The following RYR3 variants were observed in gnomAD, a reference collection of about 807,000 sequenced individuals.
RYR3 encodes ryanodine receptor 3.
In RYR3, 207 loss-of-function variants were observed where a neutral mutation model predicts 584.3. The ratio of observed to expected loss-of-function variants is 0.35; its 90% confidence interval spans 0.32 to 0.40. The LOEUF (loss-of-function observed/expected upper bound fraction) is 0.40. Among genes scored for constraint, RYR3 ranks in the 10% least tolerant of loss-of-function variants. The pLI is 1.00. For missense variants in RYR3, 5,616 were observed against 6,089.2 expected (o/e 0.92, Z 2.59); for synonymous variants, 2,416 against 2,248.5 (o/e 1.07, Z -2.11).
Position 33,355,964 on chromosome 15 carries a change from A to T in RYR3, c.51+44868A>T, listed in dbSNP as rs560627451. On this transcript the variant is annotated intron_variant, in intron 1 of 103. Transcript: ENST00000634891. ...TGCTTCATATAGAACCCTGTAGTAG[A>T]TACTGTGAGAGAAACAGAAGAGTGA... is the stretch of plus-strand genomic sequence containing the variant. Among the ~76,000 whole-genome samples the T allele has an allele frequency of 2.6e-5, 4 of 152,318 alleles. No individual in the cohort carries two copies. The South Asian group carries it at 8.3e-4, about 32-fold the overall frequency.
intron 38 of RYR3, among the ~76,000 whole-genome samples, chr15:33,675,592 G>A (rs887625413): frequency 1.3e-5 from 2 of 152,186 alleles, no homozygotes; most frequent in Non-Finnish European, 2.9e-5. Context: ...CCAGGAGACT[G>A]AGCATGAGAC....
intron 86 of RYR3, among the ~76,000 whole-genome samples, chr15:33,832,519 G>T (rs7177077): frequency 0.32 from 48,256 of 151,328 alleles, 8,691 homozygotes; most frequent in South Asian, 0.54. Context: ...AGCTGGGCGT[G>T]TTGGTGGGTG....
At chr15:33,565,613 T>C (rs1307759674) in intron 11 of RYR3, among the ~76,000 whole-genome samples, 1 of 140,228 alleles carries the variant, frequency 7.1e-6, no homozygotes, top group Non-Finnish European at 1.6e-5. Context: ...TGTTGACATG[T>C]AGACTTCCAG....
chr15:33,432,676 G>A (rs533874461), intron 1 of RYR3, among the ~76,000 whole-genome samples: 1 of 146,984 alleles, frequency 6.8e-6, no homozygotes, highest in South Asian at 2.2e-4. Flanking sequence ...AATTGTGTGT[G>A]TGTGTGTGTG....
At chr15:33,530,342 C>T (rs967277431) in intron 3 of RYR3, among the ~76,000 whole-genome samples, 2 of 152,192 alleles carry the variant, frequency 1.3e-5, no homozygotes, top group African/African-American at 4.8e-5. Context: ...TGGGTTTCTG[C>T]TGATCCTGGG....
intron 1 of RYR3, among the ~76,000 whole-genome samples, chr15:33,466,149 G>A (rs1314055874): frequency 6.6e-6 from 1 of 152,088 alleles, no homozygotes; most frequent in Non-Finnish European, 1.5e-5. Flanking sequence ...AAATACACCT[G>A]TTTTTTAAAG....
intron 3 of RYR3, among the ~76,000 whole-genome samples, chr15:33,508,456 T>C (rs996288434): frequency 2.6e-5 from 4 of 152,046 alleles, no homozygotes; most frequent in Admixed American, 6.6e-5. Context: ...GAGACCATCC[T>C]GGCTAACACA....
At chr15:33,716,515 G>C (rs187512316) in intron 43 of RYR3, among the ~76,000 whole-genome samples, 28 of 152,244 alleles carry the variant, frequency 1.8e-4, no homozygotes, top group Non-Finnish European at 2.9e-5. Context: ...AATTCAAAGT[G>C]AAACAGCATC....
At chr15:33,780,521 G>A (rs191752011) in intron 65 of RYR3, among the ~76,000 whole-genome samples, 180 bp downstream of exon 65, 8 of 152,320 alleles carry the variant, frequency 5.3e-5, no homozygotes, top group Non-Finnish European at 1.0e-4. Context: ...GCATGGGCAA[G>A]GCTTTGTTAT....
At chr15:33,572,688 C>CACACACACATATAT (rs368204203) in intron 12 of RYR3, among the ~76,000 whole-genome samples, 1 of 131,398 alleles carries the variant, frequency 7.6e-6, no homozygotes, top group Admixed American at 8.3e-5. Flanking sequence ...CACACACACA[C>CACACACACATATAT]ACTGGGCTGG....
At chr15:33,794,052 A>G (rs1338528234) in intron 67 of RYR3, among the ~76,000 whole-genome samples, 1 of 76,618 alleles carries the variant, frequency 1.3e-5, no homozygotes, top group African/African-American at 4.4e-5. Flanking sequence ...ACATATATAT[A>G]AATATATACA....
intron 50 of RYR3, among the ~76,000 whole-genome samples, chr15:33,739,115 G>A (rs1394612932): frequency 6.6e-6 from 1 of 152,190 alleles, no homozygotes; most frequent in East Asian, 1.9e-4. Flanking sequence ...TGAACGGTGT[G>A]ATTGAAGTAG....
At chr15:33,464,484 A>ATC (rs2048307400) in intron 1 of RYR3, among the ~76,000 whole-genome samples, 1 of 90,040 alleles carries the variant, frequency 1.1e-5, no homozygotes, top group Non-Finnish European at 2.1e-5. Context: ...ATATATATAT[A>ATC]TATATACACA....
chr15:33,765,990 T>G (rs1386038089), intron 60 of RYR3, among the ~76,000 whole-genome samples: 1 of 152,058 alleles, frequency 6.6e-6, no homozygotes, highest in East Asian at 1.9e-4. Context: ...AGAATAAAAA[T>G]GCAGTCCTGG....
chr15:33,617,264 T>C lies in RYR3; in HGVS notation c.2357+3889T>C, dbSNP rs547764313. On this transcript the variant is annotated intron_variant, in intron 19 of 103. Coordinates refer to ENST00000634891, the MANE Select transcript of RYR3 (RefSeq NM_001036.6). The stretch of plus-strand genomic sequence containing the variant: ...CCCGTCTCACTAAAAATACAAAAAT[T>C]AGCTGGGCGTGGTGGCAGGCGCCTG... Among the ~76,000 whole-genome samples the C allele has an allele frequency of 1.1e-3, 167 of 152,012 alleles. 4 individuals are homozygous for C. The South Asian group carries it at 0.032, about 30-fold the overall frequency.
At chr15:33,811,586 C>G (rs1032533039) in intron 72 of RYR3, among the ~76,000 whole-genome samples, 37 of 143,836 alleles carry the variant, frequency 2.6e-4, no homozygotes, top group Admixed American at 1.2e-3. Flanking sequence ...TTTGTTTTTG[C>G]CCTTAATTTT....
chr15:33,865,281 G>A lies in RYR3; in HGVS notation c.*55G>A. 1 of 1,310,788 alleles carries A rather than the reference G, an allele frequency of 7.6e-7. No homozygotes were observed. The highest frequency in any genetic ancestry group is 1.2e-5 in the South Asian group (1 of 80,536). The allele number at this position is 1,310,788 out of a possible 1,614,324, so 81.2% of individuals were successfully genotyped here. A position where few individuals can be genotyped will look rare whatever the true frequency, so the allele number is the denominator to read the frequency against. ...GACAGTCAACTTCCCATGAAATAAA[G>A]TCCCCTTTTTACAGTTCTGCAACAT... On this transcript the variant is annotated 3_prime_UTR_variant, in exon 104 of 104. Coordinates refer to ENST00000634891, the MANE Select transcript of RYR3 (RefSeq NM_001036.6).
chr15:33,858,273 C>T (rs898667713), intron 99 of RYR3: 1 of 211,510 alleles, frequency 4.7e-6, no homozygotes, highest in Non-Finnish European at 9.6e-6. Context: ...GGCGTCATCT[C>T]AGCTCATTGC....
intron 2 of RYR3, among the ~76,000 whole-genome samples, 165 bp from the exon 3 acceptor site, chr15:33,503,466 C>A (rs2052185112): frequency 6.6e-6 from 1 of 152,140 alleles, no homozygotes; most frequent in South Asian, 2.1e-4. Context: ...CTTTAGAAAC[C>A]AGCTTAAAAC....
Sources: gnomAD v4.1 joint callset for allele counts (sites outside exome capture counted in the v4.1 genomes callset) on GRCh38, gnomAD v4.1.1 for gene constraint, MANE v1.5 for transcripts, NCBI Gene and HGNC (gene_info 2026-07-23, HGNC 2026-07-21) for gene names.